NBAS: variants seen among roughly 807,000 people sequenced by gnomAD.
NBAS encodes the protein NBAS subunit of NRZ tethering complex, also known as NAG/BC035112 fusion.
In NBAS, 219 loss-of-function variants were observed where a neutral mutation model predicts 302.5. The observed-to-expected ratio is 0.72, with a 90% confidence interval of 0.65 to 0.81. The LOEUF is 0.81. NBAS is among the 30% of genes least tolerant of loss of function. The pLI, the probability that NBAS is intolerant of heterozygous loss-of-function variation, is 0.00. For missense variants in NBAS, 2,932 were observed against 2,841.6 expected, an observed-to-expected ratio of 1.03 and a Z score of -0.72; for synonymous variants, 1,118 against 1,021.6, an observed-to-expected ratio of 1.09 and a Z score of -1.80.
At chr2:15,356,237 G>T in intron 33 of NBAS, 66 bp downstream of exon 33, 1 of 1,342,258 alleles carries the variant, frequency 7.5e-7, no homozygotes, top group South Asian at 1.2e-5. Context: ...TTTCAGAACA[G>T]ACCTTTTCCA....
At chr2:14,937,686 C>A in the NBAS span, among the ~76,000 whole-genome samples, 1 of 152,124 alleles carries the variant, frequency 6.6e-6, no homozygotes, top group South Asian at 2.1e-4. Flanking sequence ...GCATTCCCAG[C>A]ACATTCTATT....
intron 44 of NBAS, among the ~76,000 whole-genome samples, chr2:15,255,416 C>T (rs1668549151): frequency 6.6e-6 from 1 of 151,894 alleles, no homozygotes; most frequent in Admixed American, 6.6e-5. Flanking sequence ...GGATTGTTTG[C>T]TTGCTTCTTG....
the NBAS span, among the ~76,000 whole-genome samples, chr2:14,996,581 G>A: frequency 3.3e-5 from 5 of 152,186 alleles, no homozygotes; most frequent in Non-Finnish European, 7.3e-5. Context: ...CTGGGCTGTC[G>A]GAAGATATTG....
At chr2:15,450,460 A>C (rs1407730417) in intron 21 of NBAS, among the ~76,000 whole-genome samples, 2 of 152,146 alleles carry the variant, frequency 1.3e-5, no homozygotes, top group Non-Finnish European at 2.9e-5. Context: ...TTTGCAACAG[A>C]AAGTTGCATC....
chr2:14,784,073 G>A, the NBAS span, among the ~76,000 whole-genome samples: 2 of 152,142 alleles, frequency 1.3e-5, no homozygotes, highest in Non-Finnish European at 2.9e-5. Flanking sequence ...GATGGCCAGT[G>A]ATGGTGAGCA....
intron 21 of NBAS, among the ~76,000 whole-genome samples, chr2:15,455,697 C>G (rs1482429541): frequency 6.6e-6 from 1 of 151,016 alleles, no homozygotes; most frequent in Admixed American, 6.6e-5. Flanking sequence ...TGAGCATATC[C>G]ACTTTACAAG....
At chr2:15,166,014 G>A (rs1217643343), downstream of NBAS, among the ~76,000 whole-genome samples, 2 of 152,166 alleles carry the variant, frequency 1.3e-5, no homozygotes, top group Admixed American at 1.3e-4. Context: ...TCCCCCAGCT[G>A]TGCCTCGGCT....
chr2:14,959,052 A>G, the NBAS span, among the ~76,000 whole-genome samples: 14,437 of 151,492 alleles, frequency 0.095, 704 homozygotes, highest in East Asian at 0.13. Flanking sequence ...GTTGAGAAGA[A>G]CTCTCCATGG....
At chr2:15,508,733 G>A (rs1661992900) in intron 10 of NBAS, among the ~76,000 whole-genome samples, 1 of 152,008 alleles carries the variant, frequency 6.6e-6, no homozygotes, top group African/African-American at 2.4e-5. Context: ...GCCGGGCATG[G>A]TGGCTCACGC....
At chr2:14,825,767 T>G in the NBAS span, among the ~76,000 whole-genome samples, 1 of 152,200 alleles carries the variant, frequency 6.6e-6, no homozygotes, top group Non-Finnish European at 1.5e-5. Flanking sequence ...GGAGTTTAGA[T>G]GAAGGAAACC....
intron 11 of NBAS, among the ~76,000 whole-genome samples, chr2:15,497,850 GA>G: frequency 6.6e-6 from 1 of 152,118 alleles, no homozygotes; most frequent in Non-Finnish European, 1.5e-5. Context: ...AGTAGGTATT[GA>G]AATTACTTTT....
At chr2:15,282,059 T>C (rs1669849432) in intron 42 of NBAS, among the ~76,000 whole-genome samples, 1 of 152,222 alleles carries the variant, frequency 6.6e-6, no homozygotes, top group African/African-American at 2.4e-5. Flanking sequence ...TTTTAACAAC[T>C]GTGTAAGACC....
intron 21 of NBAS, among the ~76,000 whole-genome samples, chr2:15,448,385 T>C (rs984942604): frequency 6.6e-6 from 1 of 152,204 alleles, no homozygotes; most frequent in Non-Finnish European, 1.5e-5. Flanking sequence ...CTAGATGATG[T>C]ATCGCTTACG....
intron 48 of NBAS, among the ~76,000 whole-genome samples, chr2:15,211,640 T>C (rs796811606): frequency 6.6e-5 from 10 of 152,340 alleles, no homozygotes; most frequent in African/African-American, 2.4e-4. Flanking sequence ...GAAGATATTG[T>C]TGTGCAACAT....
At chr2:14,942,610 A>G in the NBAS span, among the ~76,000 whole-genome samples, 6 of 152,216 alleles carry the variant, frequency 3.9e-5, no homozygotes, top group Non-Finnish European at 8.8e-5. Context: ...AATTGCAGGT[A>G]TTCCTTTATA....
the NBAS span, among the ~76,000 whole-genome samples, chr2:15,112,836 C>T: frequency 3.3e-3 from 505 of 152,212 alleles, 1 homozygote; most frequent in African/African-American, 0.011. Flanking sequence ...CTCTTGAGCT[C>T]TTCCTTAAAT....
At chr2:15,053,621 A>G in the NBAS span, among the ~76,000 whole-genome samples, 3 of 152,150 alleles carry the variant, frequency 2.0e-5, no homozygotes, top group Non-Finnish European at 4.4e-5. Context: ...AGAAAGGGAG[A>G]TGAAAGAAGC....
chr2:15,025,271 T>G, the NBAS span, among the ~76,000 whole-genome samples: 1 of 152,098 alleles, frequency 6.6e-6, no homozygotes, highest in African/African-American at 2.4e-5. Flanking sequence ...GATCAGATGG[T>G]TGTAGGTGTG....
At chr2:15,362,405 G>T (rs1673978542) in intron 32 of NBAS, among the ~76,000 whole-genome samples, 1 of 151,834 alleles carries the variant, frequency 6.6e-6, no homozygotes, top group African/African-American at 2.4e-5. Context: ...CTAGTCAGGA[G>T]GCTGAGGCAG....
Sources: allele counts gnomAD v4.1 joint callset (sites outside exome capture counted in the v4.1 genomes callset), GRCh38; gene constraint gnomAD v4.1.1; transcripts MANE v1.5; gene names NCBI Gene and HGNC (gene_info 2026-07-23, HGNC 2026-07-21).